Variants in LRRC8C observed in about 807,000 individuals in gnomAD.
LRRC8C encodes the protein leucine rich repeat containing 8 VRAC subunit C, also known as volume-regulated anion channel subunit LRRC8C.
LRRC8C carries 20 observed loss-of-function variants against 55.3 expected under a neutral mutation model. The observed-to-expected ratio is 0.36, with a 90% CI of 0.25 to 0.53. The LOEUF is 0.53. Ranked by LOEUF, LRRC8C falls within the 20% of genes least tolerant of loss-of-function variation. The probability of loss-of-function intolerance (pLI) is 0.92; values close to 1 mark genes in which losing one functional copy is unlikely to be tolerated. For synonymous variants in LRRC8C, 376 were observed against 360.7 expected, an observed-to-expected ratio of 1.04 and a Z score of -0.48; for missense variants, 659 against 951.4, an observed-to-expected ratio of 0.69 and a Z score of 4.04.
chr1:89,647,532 T>G (rs188874659), intron 1 of LRRC8C, among the ~76,000 whole-genome samples: 1 of 152,186 alleles, frequency 6.6e-6, no homozygotes, highest in Admixed American at 6.5e-5. Flanking sequence ...CACAAAAGCA[T>G]GAAATTGACT....
At chr1:89,647,197 C>A (rs555480583) in intron 1 of LRRC8C, among the ~76,000 whole-genome samples, 1 of 152,182 alleles carries the variant, frequency 6.6e-6, no homozygotes, top group South Asian at 2.1e-4. Flanking sequence ...AGTACCATAT[C>A]CTGGATTATA....
In LRRC8C at chr1:89,714,102, A is replaced by C. The variant is rs771614441; in HGVS notation, c.1532A>C (p.Tyr511Ser). Residue 511 changes from tyrosine to serine, a missense_variant, in exon 3 of 3, where the codon TAT (tyrosine) becomes TCT (serine). Coordinates refer to ENST00000370454, the MANE Select transcript of LRRC8C (RefSeq NM_032270.5). This position sits in a 1 kb window ranked among gnomAD's most constrained non-coding sequence, Gnocchi z 4.6. The part of the protein sequence containing the change: ...DDMRELPPWM[Y>S]GLRNLEELYL... Reference sequence around the variant, plus strand: ...ATGAGGGAACTCCCCCCCTGGATGTATGGGCTCCGAAATCTGGAAGAGCTG... The same window carrying C: ...ATGAGGGAACTCCCCCCCTGGATGTCTGGGCTCCGAAATCTGGAAGAGCTG... The C allele has an allele frequency of 2.5e-6, 4 of 1,613,980 alleles. No individual in the cohort carries two copies. In the African/African-American group the frequency reaches 5.3e-5, roughly 22 times the overall value.
chr1:89,641,019 G>A (rs977753590), intron 1 of LRRC8C, among the ~76,000 whole-genome samples: 3 of 152,156 alleles, frequency 2.0e-5, no homozygotes, highest in African/African-American at 7.2e-5. Flanking sequence ...TATTTGTTTT[G>A]TTAAATTTGT....
intron 1 of LRRC8C, among the ~76,000 whole-genome samples, chr1:89,646,377 C>CA (rs1656615343): frequency 6.6e-6 from 1 of 152,096 alleles, no homozygotes; most frequent in Non-Finnish European, 1.5e-5. Flanking sequence ...TTGAAAAGCA[C>CA]AATTACAAAG....
At chr1:89,644,322 G>A (rs1200365972) in intron 1 of LRRC8C, among the ~76,000 whole-genome samples, 2 of 152,134 alleles carry the variant, frequency 1.3e-5, no homozygotes, top group South Asian at 2.1e-4. Context: ...CTACAGGCAC[G>A]TGCCACCGCA....
intron 1 of LRRC8C, among the ~76,000 whole-genome samples, chr1:89,677,321 G>A (rs1657578772): frequency 6.6e-6 from 1 of 152,192 alleles, no homozygotes; most frequent in Admixed American, 6.5e-5. Flanking sequence ...TGGGTTGCAA[G>A]TTCCGCTTAC....
intron 2 of LRRC8C, among the ~76,000 whole-genome samples, chr1:89,706,552 GAAA>G (rs1371477353): frequency 1.3e-5 from 2 of 152,116 alleles, no homozygotes; most frequent in African/African-American, 4.8e-5. Context: ...TTAAAATAGT[GAAA>G]ATTTCTATTA....
intron 1 of LRRC8C, among the ~76,000 whole-genome samples, chr1:89,639,686 G>C (rs1451749099): frequency 1.3e-5 from 2 of 152,208 alleles, no homozygotes; most frequent in Non-Finnish European, 2.9e-5. Flanking sequence ...TATCTGTCTT[G>C]TTCACTGCCA....
chr1:89,691,579 A>G (rs1658028563), intron 2 of LRRC8C, among the ~76,000 whole-genome samples: 1 of 152,214 alleles, frequency 6.6e-6, no homozygotes, highest in Non-Finnish European at 1.5e-5. Context: ...TAGAATCTGT[A>G]TGTACTTTAT....
At chr1:89,691,288 G>A (rs531659501) in intron 2 of LRRC8C, among the ~76,000 whole-genome samples, 7 of 152,318 alleles carry the variant, frequency 4.6e-5, no homozygotes, top group African/African-American at 1.7e-4. Context: ...AGATAATTGA[G>A]TGAAGTCTCA....
In LRRC8C at chr1:89,716,680, C is replaced by T. The variant is rs1290783111; in HGVS notation, c.*1698C>T. ...TTTTATGTACCAAATTCACATTGAC[C>T]ATTTTCTGAGCTCTAGACTGATCGT... On this transcript the variant is annotated 3_prime_UTR_variant, in exon 3 of 3. Coordinates refer to ENST00000370454, the MANE Select transcript of LRRC8C (RefSeq NM_032270.5). 2 of 152,132 alleles carry T rather than the reference C, an allele frequency of 1.3e-5. No homozygotes were observed. The highest frequency in any genetic ancestry group is 4.8e-5 in the African/African-American group (2 of 41,418). 9.4% of individuals were successfully genotyped at this position (152,132 alleles called of 1,614,324 possible).
chr1:89,679,927 T>C (rs1657650626), intron 1 of LRRC8C, among the ~76,000 whole-genome samples: 1 of 152,128 alleles, frequency 6.6e-6, no homozygotes, highest in African/African-American at 2.4e-5. Context: ...AGGTCATGGA[T>C]TGATAAATAG....
intron 2 of LRRC8C, among the ~76,000 whole-genome samples, chr1:89,703,547 TAAAAAAAAA>T (rs75382206): frequency 1.0e-4 from 13 of 126,728 alleles, no homozygotes; most frequent in African/African-American, 3.5e-4. Flanking sequence ...GTACAGATTG[TAAAAAAAAA>T]AAAAAAAGTT....
intron 1 of LRRC8C, among the ~76,000 whole-genome samples, chr1:89,636,876 A>C (rs543449733): frequency 6.6e-6 from 1 of 152,324 alleles, no homozygotes; most frequent in African/African-American, 2.4e-5. Context: ...TTGAAAGACT[A>C]TAAACTCTTT....
intron 1 of LRRC8C, among the ~76,000 whole-genome samples, chr1:89,662,501 A>G (rs953987650): frequency 1.3e-5 from 2 of 152,192 alleles, no homozygotes; most frequent in African/African-American, 4.8e-5. Flanking sequence ...TCATTGGTAG[A>G]AGTGGAGAGA....
At chr1:89,625,734 CCATGGATCTT>C in the LRRC8C span, among the ~76,000 whole-genome samples, 1 of 152,154 alleles carries the variant, frequency 6.6e-6, no homozygotes, top group Non-Finnish European at 1.5e-5. Flanking sequence ...GTTTCCTGAG[CCATGGATCTT>C]CATGCCTCAA....
chr1:89,667,150 G>A (rs1263903542), intron 1 of LRRC8C, among the ~76,000 whole-genome samples: 1 of 152,148 alleles, frequency 6.6e-6, no homozygotes, highest in East Asian at 1.9e-4. Flanking sequence ...GCTGCAGGAA[G>A]TCCTTAGACC....
At chr1:89,656,883 A>G (rs1384963661) in intron 1 of LRRC8C, among the ~76,000 whole-genome samples, 2 of 152,198 alleles carry the variant, frequency 1.3e-5, no homozygotes, top group Non-Finnish European at 2.9e-5. Context: ...AGAAGTCTGG[A>G]AATATTTTCT....
intron 2 of LRRC8C, among the ~76,000 whole-genome samples, chr1:89,691,816 A>G (rs906218551): frequency 7.9e-5 from 12 of 152,230 alleles, no homozygotes. Context: ...TTTGGCTTAT[A>G]AAACAGGATT....
Sources: allele counts gnomAD v4.1 joint callset (sites outside exome capture counted in the v4.1 genomes callset), GRCh38; gene constraint gnomAD v4.1.1; non-coding constraint Gnocchi (gnomAD v3.1); transcripts MANE v1.5; gene names NCBI Gene and HGNC (gene_info 2026-07-23, HGNC 2026-07-21).